Variants in DMD observed in about 807,000 individuals in gnomAD.
The protein encoded by DMD is dystrophin.
Under a neutral mutation model 330.1 loss-of-function variants are expected in DMD, and 63 were observed. The ratio of observed to expected loss-of-function variants is 0.19; its 90% CI spans 0.16 to 0.24. The LOEUF (loss-of-function observed/expected upper bound fraction) is 0.24. Ranked by LOEUF, DMD falls within the 10% of genes least tolerant of loss-of-function variation. The probability of loss-of-function intolerance (pLI) is 1.00; values close to 1 mark genes in which losing one functional copy is unlikely to be tolerated. For synonymous variants in DMD, 1,223 were observed against 959.8 expected (o/e 1.27, Z -5.07); for missense variants, 3,344 against 2,684.1 (o/e 1.25, Z -5.43).
upstream of DMD, among the ~76,000 whole-genome samples, chrX:33,213,374 T>C (rs919124755): frequency 2.7e-5 from 3 of 111,887 alleles, no homozygotes; most frequent in Non-Finnish European, 5.6e-5. Flanking sequence ...ATGCATATAC[T>C]TCCCTTAAGA....
At chrX:33,163,552 GTA>G (rs781153726) in intron 1 of DMD, among the ~76,000 whole-genome samples, 4,487 of 90,830 alleles carry the variant, frequency 0.049, 289 homozygotes, top group African/African-American at 0.17. Context: ...ATATATGTGT[GTA>G]TATATATATA....
At chrX:32,747,308 T>C (rs2070169859) in intron 7 of DMD, among the ~76,000 whole-genome samples, 1 of 111,935 alleles carries the variant, frequency 8.9e-6, no homozygotes, top group Admixed American at 9.5e-5. Context: ...GATTAACCTG[T>C]TTGGGACAGC....
intron 1 of DMD, among the ~76,000 whole-genome samples, chrX:33,219,240 T>C (rs1049643693): frequency 5.5e-5 from 6 of 108,507 alleles, no homozygotes; most frequent in East Asian, 2.9e-4. Flanking sequence ...GTGTGCTGCC[T>C]TATTGCCAGG....
chrX:31,987,010 C>A (rs758183047), intron 44 of DMD, among the ~76,000 whole-genome samples: 1 of 111,847 alleles, frequency 8.9e-6, no homozygotes, highest in South Asian at 3.8e-4. Context: ...ATCTATTTAT[C>A]ATTTATCTGT....
intron 62 of DMD, among the ~76,000 whole-genome samples, chrX:31,294,160 A>C (rs1250660131): frequency 8.9e-6 from 1 of 112,392 alleles, no homozygotes; most frequent in Non-Finnish European, 1.9e-5. Context: ...ACGGCACAAC[A>C]GAACAAACAC....
intron 51 of DMD, among the ~76,000 whole-genome samples, chrX:31,750,451 T>G (rs2088425621): frequency 9.0e-6 from 1 of 110,619 alleles, no homozygotes; most frequent in South Asian, 3.9e-4. Flanking sequence ...GATCAGATAG[T>G]GGTAGATATG....
At position 31,209,551 on chromosome X, in the gene DMD, G is replaced by A. The variant is rs751900100; in HGVS notation, c.9510C>T (p.Asn3170=). Reference sequence around the variant, plus strand: ...GACACATATCCACGCAGAGAGGGACGTTGACCAAATTGTTGTGCTCTTGCT... The same window carrying A: ...GACACATATCCACGCAGAGAGGGACATTGACCAAATTGTTGTGCTCTTGCT... ...RLEQEHNNLV[N]VPLCVDMCLN... Residue 3170 remains asparagine (N), a synonymous_variant, in exon 65 of 79, where the codon AAC becomes AAT. Transcript: ENST00000357033. 6.6e-6 allele frequency: 8 copies of A among 1,209,294 alleles called. No individual in the cohort carries two copies. The East Asian group carries it at 1.2e-4, about 18-fold the overall frequency.
Position 31,566,920 on chromosome X carries a change from C to T in DMD, c.8218-59467G>A, listed in dbSNP as rs143795555. Among the ~76,000 whole-genome samples the T allele has an allele frequency of 4.2e-4, 47 of 111,109 alleles. No individual in the cohort carries two copies. The East Asian group carries it at 7.6e-3, about 18-fold the overall frequency. ...ATCTTCATTTCCAACATAGATAATC[C>T]GTAAGTTGTGATGGCTTGCCTTATG... is the stretch of plus-strand genomic sequence containing the variant. On this transcript the variant is annotated intron_variant, in intron 55 of 78. Coordinates refer to ENST00000357033, the MANE Select transcript of DMD (RefSeq NM_004006.3).
At chrX:31,394,943 G>GAGAGAGAGAGAGAGAGAGAGAGAGAA (rs2060851886) in intron 60 of DMD, among the ~76,000 whole-genome samples, 1 of 107,737 alleles carries the variant, frequency 9.3e-6, no homozygotes, top group African/African-American at 3.4e-5. Context: ...AAGGGTGAGA[G>GAGAGAGAGAGAGAGAGAGAGAGAGAA]AGAGAGAGAG....
intron 1 of DMD, among the ~76,000 whole-genome samples, chrX:33,087,440 G>A (rs1326170438): frequency 8.9e-6 from 1 of 111,822 alleles, no homozygotes; most frequent in Non-Finnish European, 1.9e-5. Context: ...GCTACTGTTT[G>A]AGAGGTTATA....
chrX:32,190,410 C>A (rs192785857), intron 44 of DMD, among the ~76,000 whole-genome samples: 150 of 108,206 alleles, frequency 1.4e-3, no homozygotes, highest in Non-Finnish European at 1.6e-3. Context: ...ATAAGTGACA[C>A]AGCAGACACT....
chrX:32,679,135 C>G (rs978943675), intron 9 of DMD, among the ~76,000 whole-genome samples: 1 of 111,660 alleles, frequency 9.0e-6, no homozygotes, highest in African/African-American at 3.2e-5. Flanking sequence ...GCTAGGTATG[C>G]TAGGGGAGAT....
At chrX:32,607,187 T>C (rs190618649) in intron 12 of DMD, among the ~76,000 whole-genome samples, 2 of 110,396 alleles carry the variant, frequency 1.8e-5, no homozygotes. Context: ...AATGAGACAA[T>C]ACATTAACTT....
At chrX:31,958,574 C>G (rs1826165104) in intron 45 of DMD, among the ~76,000 whole-genome samples, 1 of 111,815 alleles carries the variant, frequency 8.9e-6, no homozygotes, top group Admixed American at 9.4e-5. Context: ...TCATTTGTCA[C>G]CACTAGTGCT....
intron 60 of DMD, among the ~76,000 whole-genome samples, chrX:31,393,635 C>T (rs1413179213): frequency 1.8e-5 from 2 of 111,058 alleles, no homozygotes; most frequent in Non-Finnish European, 3.8e-5. Context: ...AACTATACAC[C>T]AGGTGCTCCA....
At chrX:33,151,288 G>A (rs770580405) in intron 1 of DMD, among the ~76,000 whole-genome samples, 1 of 112,029 alleles carries the variant, frequency 8.9e-6, no homozygotes, top group African/African-American at 3.2e-5. Flanking sequence ...GGTAGTATAA[G>A]GCAAAAAGTA....
At chrX:32,963,577 T>A (rs1436792405) in intron 2 of DMD, among the ~76,000 whole-genome samples, 1 of 112,717 alleles carries the variant, frequency 8.9e-6, no homozygotes, top group Non-Finnish European at 1.9e-5. Flanking sequence ...ACTACTGTTT[T>A]GATTGATTGT....
At chrX:31,473,250 T>C (rs2067443601) in intron 59 of DMD, among the ~76,000 whole-genome samples, 1 of 105,674 alleles carries the variant, frequency 9.5e-6, no homozygotes, top group Non-Finnish European at 1.9e-5. Flanking sequence ...ATGTCTGTAA[T>C]CCCAGCTACT....
chrX:32,484,871 A>G (rs1190907783), intron 21 of DMD, 48 bp downstream of exon 21: 1 of 1,161,388 alleles, frequency 8.6e-7, no homozygotes, highest in Non-Finnish European at 1.2e-6. Context: ...CCCCACAAAT[A>G]ACCATTTTGG....
Sources: allele counts gnomAD v4.1 joint callset (sites outside exome capture counted in the v4.1 genomes callset), GRCh38; gene constraint gnomAD v4.1.1; transcripts MANE v1.5; gene names NCBI Gene and HGNC (gene_info 2026-07-23, HGNC 2026-07-21).